The following RSU1 variants were observed in gnomAD, a reference collection of about 807,000 sequenced individuals.
The protein encoded by RSU1 is Ras suppressor protein 1, also known as rsu-1.
In RSU1, 26 loss-of-function variants were observed where a neutral mutation model predicts 31.1. The ratio of observed to expected loss-of-function variants is 0.84; its 90% confidence interval spans 0.61 to 1.16. RSU1 has a LOEUF of 1.16. Ranked by LOEUF, RSU1 falls within the 50% of genes most tolerant of loss-of-function variation. RSU1 has a pLI of 0.00. For missense variants in RSU1, 320 were observed against 339.1 expected, an observed-to-expected ratio of 0.94 and a Z score of 0.44; for synonymous variants, 164 against 136.3, an observed-to-expected ratio of 1.20 and a Z score of -1.41.
intron 7 of RSU1, among the ~76,000 whole-genome samples, chr10:16,746,980 A>G (rs532243278): frequency 3.9e-5 from 6 of 152,098 alleles, no homozygotes; most frequent in Non-Finnish European, 8.8e-5. Context: ...AGTTAACTGC[A>G]TATGTCAGGA....
chr10:16,748,576 C>A (rs543172249), intron 7 of RSU1, among the ~76,000 whole-genome samples: 25 of 152,156 alleles, frequency 1.6e-4, no homozygotes, highest in Admixed American at 3.9e-4. Flanking sequence ...CCATTTCACC[C>A]GGAGTAAAAG....
chr10:16,811,044 C>T (rs1293078527), intron 2 of RSU1, among the ~76,000 whole-genome samples: 1 of 152,034 alleles, frequency 6.6e-6, no homozygotes, highest in Admixed American at 6.6e-5. Context: ...AAACAATGGA[C>T]CACAAATATG....
chr10:16,797,856 C>CTTCTTTTTTTT (rs1554775554), intron 2 of RSU1, among the ~76,000 whole-genome samples: 1 of 103,512 alleles, frequency 9.7e-6, no homozygotes, highest in African/African-American at 3.4e-5. Context: ...GGGATTTCTT[C>CTTCTTTTTTTT]TTTTTTTTTT....
chr10:16,746,972 T>G (rs1836867860), intron 7 of RSU1, among the ~76,000 whole-genome samples: 1 of 151,990 alleles, frequency 6.6e-6, no homozygotes, highest in Admixed American at 6.6e-5. Context: ...CCTGGCCGAG[T>G]TAACTGCATA....
chr10:16,807,205 C>T (rs924782949), intron 2 of RSU1, among the ~76,000 whole-genome samples: 1 of 152,206 alleles, frequency 6.6e-6, no homozygotes, highest in Non-Finnish European at 1.5e-5. Flanking sequence ...GAGGCGAAAC[C>T]TCCTTGCAAG....
intron 8 of RSU1, among the ~76,000 whole-genome samples, chr10:16,646,169 C>T (rs190241222): frequency 7.9e-5 from 12 of 151,582 alleles, no homozygotes; most frequent in African/African-American, 2.9e-4. Context: ...TCTGGAACCA[C>T]TGGGCACAGC....
chr10:16,722,892 A>G (rs1247448886), intron 7 of RSU1, among the ~76,000 whole-genome samples: 1 of 149,218 alleles, frequency 6.7e-6, no homozygotes, highest in South Asian at 2.1e-4. Context: ...ATATACATAT[A>G]TGTATATATA....
intron 8 of RSU1, among the ~76,000 whole-genome samples, chr10:16,663,153 G>A (rs1476864647): frequency 2.6e-5 from 4 of 151,996 alleles, no homozygotes; most frequent in African/African-American, 7.2e-5. Flanking sequence ...ATCTGTATGC[G>A]CCATGAGAGC....
At chr10:16,598,546 T>G (rs1833660105) in intron 8 of RSU1, among the ~76,000 whole-genome samples, 1 of 152,152 alleles carries the variant, frequency 6.6e-6, no homozygotes, top group Non-Finnish European at 1.5e-5. Flanking sequence ...GGGCAAGACC[T>G]TAACAATCAA....
chr10:16,788,745 C>T (rs1245376934), intron 2 of RSU1, among the ~76,000 whole-genome samples: 1 of 152,188 alleles, frequency 6.6e-6, no homozygotes, highest in East Asian at 1.9e-4. Flanking sequence ...ATAAAGAAGG[C>T]TTCCTCCTTC....
intron 3 of RSU1, among the ~76,000 whole-genome samples, chr10:16,775,130 T>C (rs1837500488): frequency 6.6e-6 from 1 of 152,214 alleles, no homozygotes; most frequent in African/African-American, 2.4e-5. Context: ...TCCTCTATCA[T>C]TCTGCACACA....
chr10:16,651,826 G>T (rs1235035663), intron 8 of RSU1, among the ~76,000 whole-genome samples: 1 of 152,078 alleles, frequency 6.6e-6, no homozygotes, highest in African/African-American at 2.4e-5. Context: ...ACAAATAACT[G>T]ACTTAAAATA....
chr10:16,721,030 G>T (rs1588492364), intron 7 of RSU1, among the ~76,000 whole-genome samples: 1 of 152,076 alleles, frequency 6.6e-6, no homozygotes, highest in Non-Finnish European at 1.5e-5. Flanking sequence ...AATAAATAGA[G>T]TATCTGGTTC....
chr10:16,641,465 G>A (rs529315786), intron 8 of RSU1, among the ~76,000 whole-genome samples: 69 of 150,710 alleles, frequency 4.6e-4, no homozygotes, highest in African/African-American at 1.4e-3. Context: ...GCACTCCAGC[G>A]TGGGCAACAG....
intron 4 of RSU1, among the ~76,000 whole-genome samples, 176 bp from the exon 5 acceptor site, chr10:16,755,165 A>G (rs1332156582): frequency 6.6e-6 from 1 of 152,030 alleles, no homozygotes; most frequent in African/African-American, 2.4e-5. Context: ...TCTGTTGCCT[A>G]GGTTTTAGTG....
At chr10:16,618,298 A>G (rs927794650) in intron 8 of RSU1, among the ~76,000 whole-genome samples, 4 of 152,214 alleles carry the variant, frequency 2.6e-5, no homozygotes, top group African/African-American at 9.6e-5. Context: ...ACCAGTTACA[A>G]TGGCAATTAT....
At chr10:16,760,535 A>G (rs909336209) in intron 4 of RSU1, among the ~76,000 whole-genome samples, 6 of 152,018 alleles carry the variant, frequency 3.9e-5, no homozygotes, top group African/African-American at 1.4e-4. Context: ...AAAAAAAAGA[A>G]AAGTGTACGA....
intron 8 of RSU1, among the ~76,000 whole-genome samples, chr10:16,631,386 G>A (rs1164277245): frequency 2.6e-5 from 4 of 152,192 alleles, no homozygotes; most frequent in East Asian, 1.9e-4. Flanking sequence ...CTCAGAGAGT[G>A]CGCTTGTCCA....
At chr10:16,602,466 G>C (rs538480982) in intron 8 of RSU1, among the ~76,000 whole-genome samples, 142 of 152,326 alleles carry the variant, frequency 9.3e-4, no homozygotes, top group African/African-American at 3.2e-3. Context: ...TTCAAACTCT[G>C]AAAGCACTAA....
Sources: allele counts gnomAD v4.1 joint callset (sites outside exome capture counted in the v4.1 genomes callset), GRCh38; gene constraint gnomAD v4.1.1; transcripts MANE v1.5; gene names NCBI Gene and HGNC (gene_info 2026-07-23, HGNC 2026-07-21).